The following DIS3L2 variants were observed in gnomAD, a reference collection of about 807,000 sequenced individuals.
DIS3L2 encodes the protein DIS3 like 3'-5' exoribonuclease 2, also known as DIS3-like exonuclease 2.
In DIS3L2, 34 loss-of-function variants were observed where a neutral mutation model predicts 97.5. The observed-to-expected ratio is 0.35, with a 90% CI of 0.27 to 0.46. The LOEUF (loss-of-function observed/expected upper bound fraction) is 0.46, where lower values mean the gene tolerates loss of function less well. Ranked by LOEUF, DIS3L2 falls within the 20% of genes least tolerant of loss-of-function variation. DIS3L2 has a pLI of 1.00. For missense variants in DIS3L2, 1,038 were observed against 1,146.0 expected (o/e 0.91, Z 1.36); for synonymous variants, 435 against 445.2 (o/e 0.98, Z 0.29).
At chr2:232,324,230 C>G (rs1695514553) in intron 14 of DIS3L2, among the ~76,000 whole-genome samples, 1 of 152,228 alleles carries the variant, frequency 6.6e-6, no homozygotes, top group African/African-American at 2.4e-5. Context: ...CTGGAGCTTA[C>G]AGGCAGCGTG....
At chr2:232,272,710 T>C (rs904807972) in intron 13 of DIS3L2, among the ~76,000 whole-genome samples, 1 of 152,176 alleles carries the variant, frequency 6.6e-6, no homozygotes, top group Non-Finnish European at 1.5e-5. Context: ...AAGAAACTGA[T>C]TGGAGTGATT....
At chr2:232,025,435 T>C (rs1694629979) in intron 4 of DIS3L2, among the ~76,000 whole-genome samples, 1 of 152,176 alleles carries the variant, frequency 6.6e-6, no homozygotes, top group South Asian at 2.1e-4. Flanking sequence ...TTAGTCCTTT[T>C]CCCCTGCCTT....
At chr2:232,120,799 T>C (rs1171831109) in intron 6 of DIS3L2, among the ~76,000 whole-genome samples, 3 of 151,892 alleles carry the variant, frequency 2.0e-5, no homozygotes, top group Non-Finnish European at 4.4e-5. Flanking sequence ...TCTAATCTCC[T>C]CCCCTCCTGC....
At chr2:231,995,604 A>G (rs889647029) in intron 1 of DIS3L2, among the ~76,000 whole-genome samples, 2 of 151,866 alleles carry the variant, frequency 1.3e-5, no homozygotes, top group Non-Finnish European at 2.9e-5. Flanking sequence ...GCTTTAAACC[A>G]CTCTTGATAC....
chr2:232,100,813 G>GTGTGTT (rs1436969291), intron 6 of DIS3L2, among the ~76,000 whole-genome samples: 1 of 147,518 alleles, frequency 6.8e-6, no homozygotes, highest in Non-Finnish European at 1.5e-5. Context: ...AGGTGTGTGT[G>GTGTGTT]TGTGTGTGTG....
At chr2:232,144,648 G>T (rs1690165502) in intron 8 of DIS3L2, among the ~76,000 whole-genome samples, 1 of 152,036 alleles carries the variant, frequency 6.6e-6, no homozygotes, top group Non-Finnish European at 1.5e-5. Context: ...CCAAGTATAG[G>T]TCTTACTCAG....
At chr2:232,181,069 G>A (rs1691249478) in intron 9 of DIS3L2, among the ~76,000 whole-genome samples, 1 of 114,900 alleles carries the variant, frequency 8.7e-6, no homozygotes, top group African/African-American at 3.4e-5. Context: ...CTTCACTTAT[G>A]AAGCTTAGTT....
exon 14 of DIS3L2, chr2:232,343,391 G>C: frequency 6.4e-7 from 1 of 1,556,426 alleles, no homozygotes; most frequent in Non-Finnish European, 8.7e-7. Flanking sequence ...GCCTCTCACA[G>C]CCCCTCTGCT....
intron 14 of DIS3L2, among the ~76,000 whole-genome samples, chr2:232,315,403 G>T (rs1172658572): frequency 6.6e-6 from 1 of 152,232 alleles, no homozygotes; most frequent in Non-Finnish European, 1.5e-5. Context: ...CTGCATGTTG[G>T]GTTTGAGCCT....
At chr2:232,305,578 A>G (rs1383840408) in intron 14 of DIS3L2, among the ~76,000 whole-genome samples, 1 of 152,180 alleles carries the variant, frequency 6.6e-6, no homozygotes, top group East Asian at 1.9e-4. Context: ...TCTAGTTCCA[A>G]GAGTACCAAT....
At chr2:232,341,611 C>T (rs368599134), downstream of DIS3L2, among the ~76,000 whole-genome samples, 8 of 152,318 alleles carry the variant, frequency 5.3e-5, no homozygotes, top group East Asian at 1.4e-3. Context: ...GGGACGCTGT[C>T]CACATGCAGG....
intron 14 of DIS3L2, among the ~76,000 whole-genome samples, chr2:232,312,479 T>G (rs1031385868): frequency 3.3e-5 from 5 of 152,238 alleles, no homozygotes; most frequent in African/African-American, 1.2e-4. Context: ...CTTGTACCAG[T>G]ACCACACTAC....
intron 1 of DIS3L2, among the ~76,000 whole-genome samples, chr2:232,010,771 T>A (rs1694176198): frequency 6.6e-6 from 1 of 152,230 alleles, no homozygotes; most frequent in African/African-American, 2.4e-5. Context: ...AAGTGTGGGA[T>A]TAGTACTCAT....
In DIS3L2 at chr2:232,290,390, G is replaced by A. The variant is rs551777439; in HGVS notation, c.1660-9650G>A. Among the ~76,000 whole-genome samples, 20 of 152,304 alleles carry A rather than the reference G, an allele frequency of 1.3e-4. 1 individual carries two copies. In the South Asian group the frequency reaches 3.9e-3, roughly 30 times the overall value. On this transcript the variant is annotated intron_variant, in intron 13 of 20. Coordinates refer to ENST00000325385, the MANE Select transcript of DIS3L2 (RefSeq NM_152383.5). Reference sequence around the variant, plus strand: ...TAAAGGAGACCCTGGGATCAGGGACGAGCTCTTCCTTGCTGGGCTCACCCA... The same window carrying A: ...TAAAGGAGACCCTGGGATCAGGGACAAGCTCTTCCTTGCTGGGCTCACCCA...
chr2:232,064,196 C>T (rs1297175171), intron 5 of DIS3L2, among the ~76,000 whole-genome samples: 1 of 152,124 alleles, frequency 6.6e-6, no homozygotes, highest in Non-Finnish European at 1.5e-5. Context: ...TCTTTACTCC[C>T]GAAAATTCCT....
intron 10 of DIS3L2, among the ~76,000 whole-genome samples, chr2:232,230,188 C>T (rs1160908594): frequency 6.6e-6 from 1 of 152,182 alleles, no homozygotes; most frequent in Non-Finnish European, 1.5e-5. Context: ...CCTAGCAACC[C>T]AATCAGTGTT....
At chr2:232,266,178 G>T (rs1319518186) in intron 13 of DIS3L2, among the ~76,000 whole-genome samples, 1 of 152,202 alleles carries the variant, frequency 6.6e-6, no homozygotes, top group Non-Finnish European at 1.5e-5. Flanking sequence ...CTCATATGAG[G>T]ATAGGGTATA....
intron 1 of DIS3L2, among the ~76,000 whole-genome samples, chr2:231,987,902 C>T (rs567859276): frequency 1.4e-4 from 22 of 152,118 alleles, no homozygotes; most frequent in African/African-American, 5.1e-4. Context: ...TGCAATGGCA[C>T]GATCTCTGCT....
In DIS3L2 at chr2:231,991,274, A is replaced by G. The variant is rs575633968; in HGVS notation, c.-93-23561A>G. ...TGACGGCAACTATTATTGTCTTTAA[A>G]TTATTTTTATTTTTTAGAGACAGGG... On this transcript the variant is annotated intron_variant, in intron 1 of 20. Transcript: ENST00000325385. Among the ~76,000 whole-genome samples, 9 of 152,186 alleles carry G rather than the reference A, an allele frequency of 5.9e-5. No individual in the cohort carries two copies. The South Asian group carries it at 1.7e-3, about 28-fold the overall frequency.
Sources: allele counts gnomAD v4.1 joint callset (sites outside exome capture counted in the v4.1 genomes callset), GRCh38; gene constraint gnomAD v4.1.1; transcripts MANE v1.5; gene names NCBI Gene and HGNC (gene_info 2026-07-23, HGNC 2026-07-21).